CROCC: variants seen among roughly 807,000 people sequenced by gnomAD.
CROCC encodes the protein rootletin.
CROCC carries 180 observed loss-of-function variants against 245.2 expected under a neutral mutation model. The ratio of observed to expected loss-of-function variants is 0.73; its 90% CI spans 0.65 to 0.83. CROCC has a LOEUF of 0.83. CROCC is among the 40% of genes least tolerant of loss of function. CROCC has a pLI of 0.00. For synonymous variants in CROCC, 1,205 were observed against 1,241.6 expected, an observed-to-expected ratio of 0.97 and a Z score of 0.62; for missense variants, 2,688 against 2,779.4, an observed-to-expected ratio of 0.97 and a Z score of 0.74.
rs547929928 is a variant in CROCC at position 16,948,833 on chromosome 1, G to A, written c.2743G>A (p.Glu915Lys). 1 of 1,611,726 alleles carries A rather than the reference G, an allele frequency of 6.2e-7. No homozygotes were observed. Among genetic ancestry groups the A allele is most frequent in the South Asian group, 1.1e-5 (1 of 90,992 alleles). The change falls in exon 19 of 37, where the codon GAG (glutamate) becomes AAG (lysine). Residue 915 changes from glutamate (E) to lysine (K), a missense_variant. Glu to Lys is a moderately conservative substitution (Grantham distance 56, BLOSUM62 1). Coordinates refer to ENST00000375541, the MANE Select transcript of CROCC (RefSeq NM_014675.5). ...EKEALEGSLF[E>K]VQRQLAQLEA... ...GGAAGCCCTGGAGGGCAGCCTGTTT[G>A]AGGTGCAACGGCAGCTGGCCCAGCT...
chr1:16,971,908 A>C (rs2076528469), intron 36 of CROCC, among the ~76,000 whole-genome samples: 1 of 152,134 alleles, frequency 6.6e-6, no homozygotes. Context: ...AGGTGGCCTC[A>C]GCAGCTCCAG....
chr1:16,938,605 G>A, intron 11 of CROCC, 122 bp downstream of exon 11: 2 of 987,906 alleles, frequency 2.0e-6, no homozygotes, highest in Non-Finnish European at 3.0e-6. Flanking sequence ...CCAGGCTGTA[G>A]CTGCTCAGCA....
chr1:16,958,744 G>A lies in CROCC; in HGVS notation c.4026G>A (p.Arg1342=). 6.4e-7 allele frequency: 1 copy of A among 1,559,042 alleles called. No individual in the cohort carries two copies. Among genetic ancestry groups the A allele is most frequent in the Non-Finnish European group, 8.7e-7 (1 of 1,152,026 alleles). Residue 1342 remains arginine, a synonymous_variant, in exon 26 of 37, where the codon CGG becomes CGA. Transcript: ENST00000375541. ...LKGEASLEVM[R]QELQVAQRKL... Reference sequence around the variant, plus strand: ...GCGAGGCCAGCCTGGAGGTGATGCGGCAGGAGGTAACTGAGCAGGCGGGCA... The same window carrying A: ...GCGAGGCCAGCCTGGAGGTGATGCGACAGGAGGTAACTGAGCAGGCGGGCA...
Position 16,954,456 on chromosome 1 carries a change from G to A in CROCC, c.3321+99G>A, listed in dbSNP as rs2076215732. The A allele has an allele frequency of 6.9e-7, 1 of 1,456,004 alleles. No individual in the cohort carries two copies. Among genetic ancestry groups the A allele is most frequent in the Non-Finnish European group, 9.2e-7 (1 of 1,085,612 alleles). The allele number at this position is 1,456,004 out of a possible 1,614,324, so 90.2% of individuals were successfully genotyped here. A position where few individuals can be genotyped will look rare whatever the true frequency, so the allele number is the denominator to read the frequency against. The stretch of plus-strand genomic sequence containing the variant: ...GGCGGCATGGCCCTGTCCTGGAGAA[G>A]CTTCCAGGCTGTGGGAAAGGAGGTT... On this transcript the variant is annotated intron_variant, in intron 22 of 36. Coordinates refer to ENST00000375541, the MANE Select transcript of CROCC (RefSeq NM_014675.5). This position sits in a 1 kb window ranked among gnomAD's most constrained non-coding sequence, Gnocchi z 4.4.
At chr1:16,958,216 G>A (rs1188580034) in intron 25 of CROCC, among the ~76,000 whole-genome samples, 1 of 152,190 alleles carries the variant, frequency 6.6e-6, no homozygotes, top group African/African-American at 2.4e-5. Flanking sequence ...CTTAGAACAG[G>A]ACTGGACACA....
At chr1:16,967,792 C>T (rs2076443431) in intron 30 of CROCC, among the ~76,000 whole-genome samples, 2 of 152,144 alleles carry the variant, frequency 1.3e-5, no homozygotes, top group South Asian at 4.1e-4. Context: ...CTGTCCGGCT[C>T]AGCTCAGTTT....
At chr1:16,922,214 C>T (rs1384772615) in intron 1 of CROCC, 136 bp downstream of exon 1, 11 of 900,338 alleles carry the variant, frequency 1.2e-5, no homozygotes, top group Admixed American at 3.2e-5. Context: ...AGGGGCCCCC[C>T]GCTTGCAGTT....
chr1:16,971,220 T>A (rs1034297177), intron 35 of CROCC, among the ~76,000 whole-genome samples: 2 of 140,446 alleles, frequency 1.4e-5, no homozygotes, highest in Non-Finnish European at 3.1e-5. Flanking sequence ...AGTGTGTGTG[T>A]GTGTGTGTGT....
At chr1:16,959,892 C>A (rs2076301770) in intron 26 of CROCC, among the ~76,000 whole-genome samples, 1 of 151,922 alleles carries the variant, frequency 6.6e-6, no homozygotes, top group African/African-American at 2.4e-5. Flanking sequence ...CCCCGCCTTT[C>A]CCCCACCCCC....
intron 19 of CROCC, 40 bp downstream of exon 19, chr1:16,948,966 A>C: frequency 6.2e-7 from 1 of 1,604,184 alleles, no homozygotes. Flanking sequence ...ACCAGGTTCC[A>C]GCCCAGACTG....
rs191661838 is a variant in CROCC at position 16,972,717 on chromosome 1, T to C, written c.*271T>C. The C allele has an allele frequency of 7.1e-5, 21 of 296,120 alleles. No homozygotes were observed. Among genetic ancestry groups the C allele is most frequent in the Admixed American group, 1.7e-4 (3 of 17,970 alleles). 18.3% of individuals were successfully genotyped at this position (296,120 alleles called of 1,614,324 possible). A position where few individuals can be genotyped will look rare whatever the true frequency, so the allele number is the denominator to read the frequency against. On this transcript the variant is annotated 3_prime_UTR_variant, in exon 37 of 37. Coordinates refer to ENST00000375541, the MANE Select transcript of CROCC (RefSeq NM_014675.5). ...TTGAGAGGCTGAGCCGTAGCCAGGA[T>C]TGGGGAGAGCCCTTGTCTCTGGTCA...
At chr1:16,959,502 T>G (rs919421871) in intron 26 of CROCC, among the ~76,000 whole-genome samples, 1 of 152,146 alleles carries the variant, frequency 6.6e-6, no homozygotes. Flanking sequence ...TCTCTGTGCC[T>G]CAGAGCGCTC....
chr1:16,953,641 G>T (rs1200067808), intron 21 of CROCC, 160 bp downstream of exon 21: 1 of 653,198 alleles, frequency 1.5e-6, no homozygotes, highest in Non-Finnish European at 2.6e-6. Context: ...TTAGAAGGGG[G>T]TTCGTGAGGC....
chr1:16,945,591 CGAGGCGCTGACCAAGGTGGGT>C lies in CROCC; in HGVS notation c.2122_2136+6del. 1 of 1,612,380 alleles carries C rather than the reference CGAGGCGCTGACCAAGGTGGGT, an allele frequency of 6.2e-7. No homozygotes were observed. Among genetic ancestry groups the C allele is most frequent in the Non-Finnish European group, 8.5e-7 (1 of 1,179,740 alleles). On this transcript the variant is annotated splice_donor_variant and splice_donor_5th_base_variant and coding_sequence_variant and intron_variant, in exon 15 of 37. Transcript: ENST00000375541. LOFTEE classifies it high-confidence loss of function. ...TGCAGGCCGAGAAGGCCGAGGTGGC[CGAGGCGCTGACCAAGGTGGGT>C]CCCTGTCTGCTGCACAACCACAAAC...
chr1:16,948,606 C>G (rs572073098), intron 18 of CROCC, 82 bp downstream of exon 18: 2 of 1,474,332 alleles, frequency 1.4e-6, no homozygotes, highest in African/African-American at 2.8e-5. Flanking sequence ...AGGCACGGGC[C>G]CCCAGGGGCA....
intron 25 of CROCC, 130 bp from the exon 26 acceptor site, chr1:16,958,453 G>T: frequency 8.8e-7 from 1 of 1,132,634 alleles, no homozygotes; most frequent in Non-Finnish European, 1.3e-6. Flanking sequence ...GTAGGGGCCG[G>T]CTCCCAGTGG....
intron 13 of CROCC, among the ~76,000 whole-genome samples, chr1:16,943,863 C>A (rs573938298): frequency 6.6e-6 from 1 of 152,414 alleles, no homozygotes; most frequent in Admixed American, 6.5e-5. Context: ...GGAGATCACA[C>A]CAGCACCTCC....
At chr1:16,925,807 C>A (rs2075521698) in intron 3 of CROCC, among the ~76,000 whole-genome samples, 1 of 152,272 alleles carries the variant, frequency 6.6e-6, no homozygotes, top group Non-Finnish European at 1.5e-5. Flanking sequence ...CCCGCAGTGG[C>A]CCCTGGCATG....
chr1:16,924,513 G>T lies in CROCC; in HGVS notation c.351+34G>T, dbSNP rs372300637. The T allele has an allele frequency of 2.3e-5, 37 of 1,600,016 alleles. No homozygotes were observed. In the African/African-American group the frequency reaches 4.1e-4, roughly 18 times the overall value. The stretch of plus-strand genomic sequence containing the variant: ...CGCCCAGGTGGTGGACTAGGCCAGG[G>T]TTCCCCTCGTTCAAGGGCAGGGAGG... On this transcript the variant is annotated intron_variant, in intron 3 of 36. Coordinates refer to ENST00000375541, the MANE Select transcript of CROCC (RefSeq NM_014675.5).
Sources: allele counts gnomAD v4.1 joint callset (sites outside exome capture counted in the v4.1 genomes callset), GRCh38; gene constraint gnomAD v4.1.1; non-coding constraint Gnocchi (gnomAD v3.1); transcripts MANE v1.5; gene names NCBI Gene and HGNC (gene_info 2026-07-23, HGNC 2026-07-21).